Variants in VPS53 observed in about 807,000 individuals in gnomAD.
VPS53 encodes the protein vacuolar protein sorting-associated protein 53 homolog.
In VPS53, 70 loss-of-function variants were observed where a neutral mutation model predicts 107.0. That is an observed-to-expected ratio of 0.65 (90% CI 0.54 to 0.80). The LOEUF (loss-of-function observed/expected upper bound fraction) is 0.80. VPS53 is among the 30% of genes least tolerant of loss of function. VPS53 has a pLI of 0.00. For missense variants in VPS53, 917 were observed against 1,049.4 expected, an observed-to-expected ratio of 0.87 and a Z score of 1.74; for synonymous variants, 409 against 393.3, an observed-to-expected ratio of 1.04 and a Z score of -0.47.
intron 12 of VPS53, chr17:600,068 C>T (rs1968257004): frequency 6.6e-6 from 1 of 152,220 alleles, no homozygotes; most frequent in African/African-American, 2.4e-5. Flanking sequence ...ATGAGCAGGT[C>T]TTGGTCCTTA....
chr17:703,529 A>G (rs979742061), intron 2 of VPS53, among the ~76,000 whole-genome samples: 8 of 152,236 alleles, frequency 5.3e-5, no homozygotes, highest in Non-Finnish European at 1.2e-4. Context: ...GTGGGAATCC[A>G]CATTGGCTGG....
chr17:694,235 C>A (rs1972869293), intron 4 of VPS53, among the ~76,000 whole-genome samples: 1 of 152,202 alleles, frequency 6.6e-6, no homozygotes, highest in Non-Finnish European at 1.5e-5. Flanking sequence ...GCTATCTAAA[C>A]ATTCTTGAAA....
chr17:571,149 CA>C lies in VPS53; in HGVS notation c.1314-8405del, dbSNP rs1176982640. 3.8e-5 allele frequency among the ~76,000 whole-genome samples: 5 copies of C among 130,682 alleles called. No individual in the cohort carries two copies. The East Asian group carries it at 1.3e-3, about 33-fold the overall frequency. The allele number at this position is 130,682 out of a possible 152,430, so 85.7% of individuals were successfully genotyped here. ...GCAACATGGTGAGACCCTGTCTCTA[CA>C]AAAAAACAAAAATTAGACTGATGTG... is the stretch of plus-strand genomic sequence containing the variant. On this transcript the variant is annotated intron_variant, in intron 13 of 21. Transcript: ENST00000437048.
intron 15 of VPS53, 105 bp from the exon 16 acceptor site, chr17:553,567 C>A: frequency 3.6e-6 from 3 of 826,718 alleles, no homozygotes; most frequent in Non-Finnish European, 3.7e-6. Flanking sequence ...AGGCATAATT[C>A]CATACACTTT....
At chr17:584,478 A>C (rs1415947108) in intron 13 of VPS53, among the ~76,000 whole-genome samples, 1 of 152,216 alleles carries the variant, frequency 6.6e-6, no homozygotes, top group Non-Finnish European at 1.5e-5. Flanking sequence ...CTTTATAAAA[A>C]TATTTGGAGG....
chr17:699,288 T>C (rs1973107850), intron 3 of VPS53, 43 bp downstream of exon 3: 7 of 1,456,050 alleles, frequency 4.8e-6, no homozygotes, highest in Non-Finnish European at 6.4e-6. Context: ...AAATTAACAA[T>C]ATACTTTTCA....
intron 12 of VPS53, 136 bp from the exon 13 acceptor site, chr17:586,500 G>A (rs868529257): frequency 1.8e-5 from 15 of 822,898 alleles, no homozygotes; most frequent in Middle Eastern, 3.0e-4. Context: ...CAATACGATG[G>A]TTTCACCATT....
chr17:694,151 A>G (rs1452601522), intron 4 of VPS53, among the ~76,000 whole-genome samples: 1 of 152,240 alleles, frequency 6.6e-6, no homozygotes, highest in Non-Finnish European at 1.5e-5. Flanking sequence ...CAGGAAAAGC[A>G]GTTATTTCTT....
chr17:646,944 C>T (rs1246301768), intron 7 of VPS53, among the ~76,000 whole-genome samples: 1 of 152,246 alleles, frequency 6.6e-6, no homozygotes, highest in Non-Finnish European at 1.5e-5. Context: ...ACTCCTGTAC[C>T]TCTATAATCC....
At chr17:674,655 G>A (rs1344845734) in intron 4 of VPS53, 1 of 152,270 alleles carries the variant, frequency 6.6e-6, no homozygotes, top group Non-Finnish European at 1.5e-5. Flanking sequence ...GCTGGCTAAT[G>A]AGGCCATGGT....
intron 15 of VPS53, 99 bp downstream of exon 15, chr17:560,327 T>C: frequency 6.9e-7 from 1 of 1,447,446 alleles, no homozygotes; most frequent in Non-Finnish European, 9.2e-7. Context: ...CCCAAGGTTG[T>C]CTGTGGCCAT....
intron 4 of VPS53, among the ~76,000 whole-genome samples, chr17:669,865 C>G (rs1020098409): frequency 2.0e-5 from 3 of 150,428 alleles, no homozygotes; most frequent in African/African-American, 7.3e-5. Context: ...GCACTCCAGC[C>G]TGGTGACAGA....
chr17:671,081 A>G (rs915813479), intron 4 of VPS53, among the ~76,000 whole-genome samples: 12 of 151,962 alleles, frequency 7.9e-5, no homozygotes, highest in African/African-American at 2.7e-4. Context: ...AAATACAAAA[A>G]CTAGCCAGCC....
intron 4 of VPS53, among the ~76,000 whole-genome samples, chr17:680,497 GA>G (rs572856399): frequency 6.7e-6 from 1 of 150,354 alleles, no homozygotes; most frequent in Non-Finnish European, 1.5e-5. Context: ...TAAAAAGAAG[GA>G]AAAAAAAACT....
At chr17:631,437 T>C in intron 8 of VPS53, 113 bp downstream of exon 8, 1 of 1,123,858 alleles carries the variant, frequency 8.9e-7, no homozygotes, top group East Asian at 2.4e-5. Flanking sequence ...GCAGAAGGAT[T>C]TGCAGCTGCC....
intron 18 of VPS53, among the ~76,000 whole-genome samples, chr17:535,830 A>G (rs1030044920): frequency 6.6e-6 from 1 of 152,174 alleles, no homozygotes; most frequent in Admixed American, 6.6e-5. Flanking sequence ...AGTAAAGCTG[A>G]CACCACAAGC....
chr17:654,863 G>C (rs1177965084), intron 6 of VPS53, among the ~76,000 whole-genome samples: 2 of 152,162 alleles, frequency 1.3e-5, no homozygotes, highest in South Asian at 4.1e-4. Context: ...CCACTGCCTG[G>C]TCTGATGGTT....
In VPS53 at chr17:687,677, G is replaced by A. The variant is rs78474737; in HGVS notation, c.285+9741C>T. On this transcript the variant is annotated intron_variant, in intron 4 of 21. Transcript: ENST00000437048. Reference sequence around the variant, plus strand: ...CACTTGAGCCCACGAGGTTGAGGGCGCAGCGAGCTGTGATTGCACCACTCC... The same window carrying A: ...CACTTGAGCCCACGAGGTTGAGGGCACAGCGAGCTGTGATTGCACCACTCC... 6.6e-3 allele frequency among the ~76,000 whole-genome samples: 1,011 copies of A among 152,078 alleles called. 15 individuals are homozygous for A. The highest frequency in any genetic ancestry group is 0.023 in the African/African-American group (967 of 41,470).
chr17:662,783 GAAA>G (rs1225946378), intron 4 of VPS53, among the ~76,000 whole-genome samples: 2 of 130,100 alleles, frequency 1.5e-5, no homozygotes, highest in African/African-American at 5.8e-5. Context: ...GAGAAAGAAA[GAAA>G]AAAAGAAAGA....
Sources: allele counts gnomAD v4.1 joint callset (sites outside exome capture counted in the v4.1 genomes callset), GRCh38; gene constraint gnomAD v4.1.1; transcripts MANE v1.5; gene names NCBI Gene and HGNC (gene_info 2026-07-23, HGNC 2026-07-21).